PIK3R1: variants seen among roughly 807,000 people sequenced by gnomAD.
The protein encoded by PIK3R1 is phosphoinositide-3-kinase regulatory subunit 1.
In PIK3R1, 29 loss-of-function variants were observed where a neutral mutation model predicts 98.0. The ratio of observed to expected loss-of-function variants is 0.30; its 90% confidence interval spans 0.22 to 0.40. PIK3R1 has a LOEUF of 0.40. Among genes scored for constraint, PIK3R1 ranks in the 10% least tolerant of loss-of-function variants. PIK3R1 has a pLI of 1.00. For missense variants in PIK3R1, 596 were observed against 872.7 expected (o/e 0.68, Z 3.99); for synonymous variants, 282 against 311.8 (o/e 0.90, Z 1.01).
At chr5:68,237,839 C>G (rs1744723571) in intron 2 of PIK3R1, among the ~76,000 whole-genome samples, 1 of 152,144 alleles carries the variant, frequency 6.6e-6, no homozygotes, top group Admixed American at 6.5e-5. Context: ...CTAAAAGTAG[C>G]AGGGCAGACC....
rs1747187272 is a variant in PIK3R1, at chr5:68,288,518, C to CGAGCT, written c.917-3737_917-3736insTGAGC. The CGAGCT allele has an allele frequency of 7.4e-6, 10 of 1,349,034 alleles. No homozygotes were observed. In the Middle Eastern group the frequency reaches 1.4e-3, roughly 186 times the overall value. 83.6% of individuals were successfully genotyped at this position (1,349,034 alleles called of 1,614,324 possible). On this transcript the variant is annotated intron_variant, in intron 7 of 15. Coordinates refer to ENST00000521381, the MANE Select transcript of PIK3R1 (RefSeq NM_181523.3). ...CGGGGCGTGGGGCGGAGGGACGAGC[C>CGAGCT]GAGCCGAGCCAAGCGGAGCTGGGCC...
intron 9 of PIK3R1, 51 bp downstream of exon 9, chr5:68,293,250 A>G: frequency 6.3e-7 from 1 of 1,595,366 alleles, no homozygotes; most frequent in Non-Finnish European, 8.6e-7. Context: ...ATATTAAAAC[A>G]TATTTCCTTA....
At chr5:68,276,617 G>T (rs1746580904) in intron 4 of PIK3R1, among the ~76,000 whole-genome samples, 1 of 152,240 alleles carries the variant, frequency 6.6e-6, no homozygotes, top group Admixed American at 6.5e-5. Context: ...GCTAATGGAA[G>T]AGCACGTTAG....
intron 2 of PIK3R1, among the ~76,000 whole-genome samples, chr5:68,233,363 G>A (rs6881033): frequency 0.58 from 88,403 of 152,098 alleles, 27,152 homozygotes; most frequent in African/African-American, 0.79. Flanking sequence ...TTGAAATGAG[G>A]AGCATAATTG....
chr5:68,295,769 G>T, intron 14 of PIK3R1: 1 of 498,580 alleles, frequency 2.0e-6, no homozygotes, highest in Non-Finnish European at 3.6e-6. Context: ...TTTTGGAACA[G>T]TCAGAGAAAA....
intron 2 of PIK3R1, among the ~76,000 whole-genome samples, chr5:68,227,754 G>A (rs1744334074): frequency 1.3e-5 from 2 of 152,166 alleles, no homozygotes; most frequent in African/African-American, 2.4e-5. Flanking sequence ...AAAGTAAAGG[G>A]ATTTCACTTC....
At chr5:68,274,583 G>A (rs1329082295) in intron 4 of PIK3R1, among the ~76,000 whole-genome samples, 2 of 152,116 alleles carry the variant, frequency 1.3e-5, no homozygotes, top group African/African-American at 4.8e-5. Flanking sequence ...GGAAGAAAAA[G>A]GCCCTGGTTT....
At chr5:68,291,017 T>C in intron 7 of PIK3R1, 1 of 514,648 alleles carries the variant, frequency 1.9e-6, no homozygotes, top group South Asian at 3.1e-5. Flanking sequence ...AGCAAGCAGC[T>C]CAGGCTGTGT....
intron 12 of PIK3R1, among the ~76,000 whole-genome samples, 188 bp downstream of exon 12, chr5:68,294,866 C>T (rs1331320854): frequency 2.0e-5 from 3 of 151,740 alleles, no homozygotes; most frequent in Non-Finnish European, 4.4e-5. Flanking sequence ...TGCTAGATGA[C>T]GAGTTAGTGG....
chr5:68,264,875 C>T (rs915891423), intron 2 of PIK3R1, among the ~76,000 whole-genome samples: 1 of 152,210 alleles, frequency 6.6e-6, no homozygotes, highest in African/African-American at 2.4e-5. Flanking sequence ...TCTTTTGATA[C>T]CTAATTCGTT....
Position 68,262,807 on chromosome 5 carries a change from G to A in PIK3R1, c.335-10583G>A, listed in dbSNP as rs62652522. On this transcript the variant is annotated intron_variant, in intron 2 of 15. Transcript: ENST00000521381. The stretch of plus-strand genomic sequence containing the variant: ...TAGATACATGTATACGTAGATACAT[G>A]TATACATGTAGATACATGTAGATAC... Among the ~76,000 whole-genome samples the A allele has an allele frequency of 7.3e-3, 48 of 6,566 alleles. 7 individuals carry two copies. Among genetic ancestry groups the A allele is most frequent in the South Asian group, 0.022 (3 of 138 alleles). The allele number at this position is 6,566 out of a possible 152,430, so 4.3% of individuals were successfully genotyped here.
intron 2 of PIK3R1, among the ~76,000 whole-genome samples, chr5:68,264,250 T>G (rs1746027620): frequency 6.6e-6 from 1 of 152,274 alleles, no homozygotes. Context: ...CAAGCTCAAG[T>G]TAAAAAAATG....
intron 11 of PIK3R1, among the ~76,000 whole-genome samples, chr5:68,294,110 T>C (rs1048813314): frequency 6.6e-6 from 1 of 152,238 alleles, no homozygotes; most frequent in Non-Finnish European, 1.5e-5. Flanking sequence ...CTGTTTAGAT[T>C]GGAAGTTAGT....
At position 68,270,905 on chromosome 5, in the gene PIK3R1, TATA is replaced by T. The variant is rs1331596891; in HGVS notation, c.335-2481_335-2479del. ...AATGAAATGGTGTGCTCTTTCATTT[TATA>T]ATATTTCTTTTAAAATTTTATAATG... On this transcript the variant is annotated intron_variant, in intron 2 of 15. Transcript: ENST00000521381. Among the ~76,000 whole-genome samples, 9 of 152,358 alleles carry T rather than the reference TATA, an allele frequency of 5.9e-5. No homozygotes were observed. The East Asian group carries it at 1.3e-3, about 23-fold the overall frequency.
chr5:68,280,296 G>C (rs1337636630), intron 5 of PIK3R1: 1 of 556,684 alleles, frequency 1.8e-6, no homozygotes, highest in East Asian at 2.9e-5. Context: ...TGAACAGCTT[G>C]TGGTTTCTTT....
At chr5:68,278,801 G>T (rs755814738) in intron 4 of PIK3R1, among the ~76,000 whole-genome samples, 7 of 151,994 alleles carry the variant, frequency 4.6e-5, no homozygotes, top group Non-Finnish European at 1.0e-4. Context: ...TTAGCCAGGC[G>T]TGGTGGTACA....
chr5:68,252,417 G>A (rs1319486179), intron 2 of PIK3R1, among the ~76,000 whole-genome samples: 3 of 152,022 alleles, frequency 2.0e-5, no homozygotes, highest in South Asian at 4.1e-4. Context: ...GAGAGGGAAG[G>A]GAGTGTGTAG....
chr5:68,287,411 A>G (rs1303479750), intron 7 of PIK3R1, among the ~76,000 whole-genome samples: 1 of 152,186 alleles, frequency 6.6e-6, no homozygotes, highest in Non-Finnish European at 1.5e-5. Flanking sequence ...TCTTAGGGCT[A>G]TAATCTTCTG....
rs147196484 is a variant in PIK3R1, at chr5:68,258,357, G to T, written c.335-15033G>T. Among the ~76,000 whole-genome samples, 608 of 152,270 alleles carry T rather than the reference G, an allele frequency of 4.0e-3. 4 individuals are homozygous for T. Among genetic ancestry groups the T allele is most frequent in the African/African-American group, 0.014 (580 of 41,560 alleles). On this transcript the variant is annotated intron_variant, in intron 2 of 15. Coordinates refer to ENST00000521381, the MANE Select transcript of PIK3R1 (RefSeq NM_181523.3). ...ATGTATTAGAGACTTTGAATTTGAG[G>T]ATCCTGTGTTATATACATCTCTGAG...
Sources: gnomAD v4.1 joint callset for allele counts (sites outside exome capture counted in the v4.1 genomes callset) on GRCh38, gnomAD v4.1.1 for gene constraint, MANE v1.5 for transcripts, NCBI Gene and HGNC (gene_info 2026-07-23, HGNC 2026-07-21) for gene names.